Variants in AR observed in about 807,000 individuals in gnomAD.
AR encodes androgen receptor.
Under a neutral mutation model 53.9 loss-of-function variants are expected in AR, and 8 were observed. The observed-to-expected ratio is 0.15, with a 90% CI of 0.09 to 0.27. The LOEUF (loss-of-function observed/expected upper bound fraction) is 0.27, where lower values mean the gene tolerates loss of function less well. Ranked by LOEUF, AR falls within the 10% of genes least tolerant of loss-of-function variation. AR has a pLI of 1.00. For synonymous variants in AR, 359 were observed against 316.4 expected (o/e 1.13, Z -1.43); for missense variants, 639 against 742.5 (o/e 0.86, Z 1.62).
intron 2 of AR, among the ~76,000 whole-genome samples, chrX:67,651,312 G>T (rs1926333237): frequency 9.1e-6 from 1 of 109,395 alleles, no homozygotes; most frequent in Non-Finnish European, 1.9e-5. Context: ...CTCCCAAAGT[G>T]CTGGGATTAC....
intron 2 of AR, among the ~76,000 whole-genome samples, chrX:67,666,347 TATA>T (rs1373254209): frequency 8.9e-6 from 1 of 111,968 alleles, no homozygotes; most frequent in Non-Finnish European, 1.9e-5. Flanking sequence ...TTTCACATAA[TATA>T]ATGTCCTCTA....
At chrX:67,572,571 A>G (rs1397052675) in intron 1 of AR, among the ~76,000 whole-genome samples, 3 of 111,917 alleles carry the variant, frequency 2.7e-5, no homozygotes, top group African/African-American at 9.7e-5. Flanking sequence ...ATTTATCAAT[A>G]TAATATTAGA....
At chrX:67,622,462 A>G (rs1157777734) in intron 1 of AR, among the ~76,000 whole-genome samples, 1 of 112,062 alleles carries the variant, frequency 8.9e-6, no homozygotes, top group Non-Finnish European at 1.9e-5. Flanking sequence ...TCAGTGGGAT[A>G]CGCTGTTAAA....
chrX:67,565,707 T>G (rs993471018), intron 1 of AR, among the ~76,000 whole-genome samples: 7 of 110,850 alleles, frequency 6.3e-5, no homozygotes, highest in African/African-American at 1.3e-4. Flanking sequence ...GTGAATTTTT[T>G]GGGGGGTGGG....
chrX:67,631,970 C>G (rs1925156543), intron 1 of AR, among the ~76,000 whole-genome samples: 1 of 113,152 alleles, frequency 8.8e-6, no homozygotes, highest in Non-Finnish European at 1.9e-5. Context: ...GGGTCAGGGA[C>G]CCACTTGAGG....
chrX:67,595,185 G>T (rs1198937845), intron 1 of AR, among the ~76,000 whole-genome samples: 2 of 111,100 alleles, frequency 1.8e-5, no homozygotes, highest in Non-Finnish European at 3.8e-5. Context: ...TGAAGTCTTA[G>T]CTTGAGTACT....
chrX:67,678,050 C>A (rs190142727), intron 2 of AR, among the ~76,000 whole-genome samples: 18 of 111,071 alleles, frequency 1.6e-4, no homozygotes, highest in Admixed American at 4.8e-4. Flanking sequence ...CAAGCAAATT[C>A]TCTGAGTTTC....
At chrX:67,717,449 G>A (rs2147530419) in intron 4 of AR, 29 bp from the exon 5 acceptor site, 1 of 1,210,574 alleles carries the variant, frequency 8.3e-7, no homozygotes. Context: ...TACCCAGACT[G>A]ACCACTGCCT....
At chrX:67,701,190 ATTAAT>A (rs2076040883) in intron 3 of AR, among the ~76,000 whole-genome samples, 1 of 111,816 alleles carries the variant, frequency 8.9e-6, no homozygotes, top group Admixed American at 9.5e-5. Context: ...TAATGTTGTA[ATTAAT>A]TTAATTTTTT....
intron 1 of AR, among the ~76,000 whole-genome samples, chrX:67,631,624 C>T (rs1208905696): frequency 8.9e-6 from 1 of 112,317 alleles, no homozygotes; most frequent in Non-Finnish European, 1.9e-5. Flanking sequence ...TTGTCTGAAG[C>T]CTTCTTCTCT....
chrX:67,644,484 A>T (rs1407782503), intron 2 of AR, among the ~76,000 whole-genome samples: 2 of 111,769 alleles, frequency 1.8e-5, no homozygotes, highest in African/African-American at 6.5e-5. Flanking sequence ...AGAGCTATAA[A>T]CCTTGAGAAC....
Position 67,545,316 on chromosome X carries a change from TGCA to T in AR, c.237_239del (p.Gln80del), listed in dbSNP as rs3032358. On this transcript the variant is annotated inframe_deletion, in exon 1 of 8. Transcript: ENST00000374690. Reference sequence around the variant, plus strand: ...CCTCCCGGCGCCAGTTTGCTGCTGCTGCAGCAGCAGCAGCAGCAGCAGCAGCAG... The same window carrying T: ...CCTCCCGGCGCCAGTTTGCTGCTGCTGCAGCAGCAGCAGCAGCAGCAGCAG... 48,344 of 981,829 alleles carry T rather than the reference TGCA, an allele frequency of 0.049. 1,031 individuals are homozygous for T. The highest frequency in any genetic ancestry group is 0.086 in the East Asian group (2,484 of 28,762). The allele number at this position is 981,829 out of a possible 1,213,427, so 80.9% of individuals were successfully genotyped here.
intron 1 of AR, among the ~76,000 whole-genome samples, chrX:67,630,897 G>T (rs775057353): frequency 9.1e-6 from 1 of 110,246 alleles, no homozygotes; most frequent in East Asian, 2.9e-4. Flanking sequence ...CTTCACTTAT[G>T]AAGCTTAGTT....
chrX:67,643,129 C>T, intron 1 of AR, 127 bp from the exon 2 acceptor site: 1 of 852,429 alleles, frequency 1.2e-6, no homozygotes, highest in South Asian at 2.1e-5. Context: ...CAGCTTCACA[C>T]TAACTAACTT....
chrX:67,686,275 G>A (rs2075966330), intron 3 of AR, 149 bp downstream of exon 3: 7 of 612,261 alleles, frequency 1.1e-5, no homozygotes, highest in Admixed American at 3.1e-5. Flanking sequence ...CATAGGCAAC[G>A]TGGCCATCAG....
chrX:67,583,327 C>T (rs2098498646), intron 1 of AR, among the ~76,000 whole-genome samples: 1 of 111,859 alleles, frequency 8.9e-6, no homozygotes, highest in South Asian at 3.7e-4. Context: ...TGTAAAAATT[C>T]CCAAACTCCT....
chrX:67,635,524 A>G (rs1273408425), intron 1 of AR, among the ~76,000 whole-genome samples: 1 of 110,948 alleles, frequency 9.0e-6, no homozygotes, highest in African/African-American at 3.3e-5. Context: ...TCCTTTGAAA[A>G]GAAAGTTGGG....
chrX:67,561,721 G>A (rs1921315329), intron 1 of AR, among the ~76,000 whole-genome samples: 1 of 110,910 alleles, frequency 9.0e-6, no homozygotes, highest in Non-Finnish European at 1.9e-5. Flanking sequence ...AGACACATTT[G>A]CAATGTATTG....
intron 1 of AR, among the ~76,000 whole-genome samples, chrX:67,599,616 T>A (rs1390905775): frequency 8.9e-6 from 1 of 111,998 alleles, no homozygotes; most frequent in Non-Finnish European, 1.9e-5. Flanking sequence ...CAATCAATGT[T>A]GATTCTATGC....
Sources: allele counts gnomAD v4.1 joint callset (sites outside exome capture counted in the v4.1 genomes callset), GRCh38; gene constraint gnomAD v4.1.1; transcripts MANE v1.5; gene names NCBI Gene and HGNC (gene_info 2026-07-23, HGNC 2026-07-21).